ZDHHC14: variants seen among roughly 807,000 people sequenced by gnomAD.
The protein encoded by ZDHHC14 is palmitoyltransferase ZDHHC14.
A neutral mutation model predicts 47.7 loss-of-function variants in ZDHHC14; 16 were observed. The ratio of observed to expected loss-of-function variants is 0.34; its 90% CI spans 0.23 to 0.51. ZDHHC14 has a LOEUF of 0.51. Ranked by LOEUF, ZDHHC14 falls within the 20% of genes least tolerant of loss-of-function variation. The pLI is 0.97. For missense variants in ZDHHC14, 515 were observed against 662.5 expected (o/e 0.78, Z 2.44); for synonymous variants, 293 against 278.9 (o/e 1.05, Z -0.50).
intron 1 of ZDHHC14, among the ~76,000 whole-genome samples, chr6:157,532,300 A>T (rs1781394083): frequency 6.6e-6 from 1 of 152,222 alleles, no homozygotes; most frequent in Non-Finnish European, 1.5e-5. Context: ...TTTTGTTGAA[A>T]ATGTCTCTGT....
chr6:157,635,510 T>C (rs1034341065), intron 5 of ZDHHC14, among the ~76,000 whole-genome samples: 8 of 152,242 alleles, frequency 5.3e-5, no homozygotes, highest in African/African-American at 1.9e-4. Context: ...TCAACCACTA[T>C]GTACTTGACA....
At chr6:157,521,417 A>C (rs1780909849) in intron 1 of ZDHHC14, among the ~76,000 whole-genome samples, 1 of 152,220 alleles carries the variant, frequency 6.6e-6, no homozygotes, top group East Asian at 1.9e-4. Flanking sequence ...TTACAACAAA[A>C]TACCAGGCCG....
rs899211476 is a variant in ZDHHC14 at position 157,621,044 on chromosome 6, G to C, written c.566-7305G>C. Among the ~76,000 whole-genome samples, 46 of 152,322 alleles carry C rather than the reference G, an allele frequency of 3.0e-4. 1 individual carries two copies. Among genetic ancestry groups the C allele is most frequent in the African/African-American group, 1.1e-3 (44 of 41,568 alleles). ...TTAAAACAGGGGAAGGTGGAGTAAG[G>C]CAGGTGAAGTTGCTTTTCAGAACTC... On this transcript the variant is annotated intron_variant, in intron 3 of 8. Coordinates refer to ENST00000359775, the MANE Select transcript of ZDHHC14 (RefSeq NM_024630.3).
chr6:157,653,715 C>A, intron 8 of ZDHHC14, 88 bp downstream of exon 8: 2 of 1,375,940 alleles, frequency 1.5e-6, no homozygotes, highest in Non-Finnish European at 2.0e-6. Context: ...TCCTAGCAAA[C>A]CTCCCCAGGA....
At chr6:157,475,462 A>C (rs1292193375) in intron 1 of ZDHHC14, among the ~76,000 whole-genome samples, 3 of 152,126 alleles carry the variant, frequency 2.0e-5, no homozygotes, top group Non-Finnish European at 4.4e-5. Context: ...CAATATGGAC[A>C]TTTTAACAAT....
In ZDHHC14 at chr6:157,484,302, T is replaced by TAC. The variant is rs1442668502; in HGVS notation, c.246-58282_246-58281insCA. On this transcript the variant is annotated intron_variant, in intron 1 of 8. Coordinates refer to ENST00000359775, the MANE Select transcript of ZDHHC14 (RefSeq NM_024630.3). ...ACGTATATATATATGTGTATATATA[T>TAC]ATACATATATATACACATATATATA... Among the ~76,000 whole-genome samples, 7 of 117,026 alleles carry TAC rather than the reference T, an allele frequency of 6.0e-5. No homozygotes were observed. In the South Asian group the frequency reaches 7.6e-4, roughly 13 times the overall value. 76.8% of individuals were successfully genotyped at this position (117,026 alleles called of 152,430 possible).
intron 1 of ZDHHC14, among the ~76,000 whole-genome samples, chr6:157,511,552 T>C (rs1302034454): frequency 6.8e-6 from 1 of 147,022 alleles, no homozygotes; most frequent in East Asian, 2.0e-4. Context: ...GGGTACTTTT[T>C]TTTTTTTTTT....
At chr6:157,551,396 G>A (rs1782226766) in intron 2 of ZDHHC14, among the ~76,000 whole-genome samples, 1 of 152,228 alleles carries the variant, frequency 6.6e-6, no homozygotes, top group South Asian at 2.1e-4. Flanking sequence ...ATCAGTGACA[G>A]GCCTGGGACC....
intron 2 of ZDHHC14, among the ~76,000 whole-genome samples, chr6:157,552,319 C>T (rs535227972): frequency 6.6e-6 from 1 of 152,182 alleles, no homozygotes; most frequent in East Asian, 1.9e-4. Context: ...AGATGAAACC[C>T]TTCATGCAGA....
chr6:157,390,400 G>T (rs906236808), intron 1 of ZDHHC14, among the ~76,000 whole-genome samples: 1 of 152,036 alleles, frequency 6.6e-6, no homozygotes, highest in Admixed American at 6.5e-5. Context: ...ATCCCGCTTG[G>T]GGTTTGCCGA....
intron 5 of ZDHHC14, among the ~76,000 whole-genome samples, chr6:157,636,803 A>G (rs1048686607): frequency 1.3e-5 from 2 of 152,166 alleles, no homozygotes; most frequent in African/African-American, 2.4e-5. Context: ...AATTTCAAGA[A>G]CATCAGACAC....
intron 2 of ZDHHC14, among the ~76,000 whole-genome samples, chr6:157,567,222 A>T (rs1782936556): frequency 6.6e-6 from 1 of 152,102 alleles, no homozygotes; most frequent in Non-Finnish European, 1.5e-5. Context: ...CTGTCTTGTC[A>T]AGCTGGGGGC....
rs984143915 is a variant in ZDHHC14 at position 157,586,855 on chromosome 6, G to A, written c.407-6133G>A. 3.9e-5 allele frequency among the ~76,000 whole-genome samples: 6 copies of A among 152,144 alleles called. No homozygotes were observed. Among genetic ancestry groups the A allele is most frequent in the Admixed American group, 6.5e-5 (1 of 15,274 alleles). On this transcript the variant is annotated intron_variant, in intron 2 of 8. Coordinates refer to ENST00000359775, the MANE Select transcript of ZDHHC14 (RefSeq NM_024630.3). The surrounding 1 kb of genome is among the most constrained non-coding windows in gnomAD (Gnocchi z 4.6). ...TTTTGGGTTTCGGTTTAATTCTTAA[G>A]CTTCAGTTTACTATGTCTTTTGAAT...
intron 2 of ZDHHC14, among the ~76,000 whole-genome samples, chr6:157,565,969 T>C (rs1346897381): frequency 1.3e-5 from 2 of 152,172 alleles, no homozygotes; most frequent in Non-Finnish European, 1.5e-5. Context: ...CTCGGTTTCT[T>C]GATTCCCAGG....
chr6:157,538,325 C>G (rs974002431), intron 1 of ZDHHC14, among the ~76,000 whole-genome samples: 4 of 152,236 alleles, frequency 2.6e-5, no homozygotes, highest in Non-Finnish European at 4.4e-5. Context: ...GCTGAGGGAG[C>G]CTCGCAGAAG....
At chr6:157,437,709 C>T (rs1489019475) in intron 1 of ZDHHC14, among the ~76,000 whole-genome samples, 1 of 152,178 alleles carries the variant, frequency 6.6e-6, no homozygotes, top group Non-Finnish European at 1.5e-5. Flanking sequence ...ACTAACTCTT[C>T]TCTGCAACAG....
chr6:157,581,896 A>AC (rs1783533912), intron 2 of ZDHHC14, among the ~76,000 whole-genome samples: 1 of 151,270 alleles, frequency 6.6e-6, no homozygotes, highest in Non-Finnish European at 1.5e-5. Flanking sequence ...CCATTCTGTG[A>AC]CATTTTTTTT....
intron 1 of ZDHHC14, among the ~76,000 whole-genome samples, chr6:157,402,455 C>G (rs1777664398): frequency 6.6e-6 from 1 of 152,074 alleles, no homozygotes; most frequent in Non-Finnish European, 1.5e-5. Flanking sequence ...GAAATGCGCA[C>G]CTGCTGAGGT....
chr6:157,608,207 T>C (rs1270593008), intron 3 of ZDHHC14, among the ~76,000 whole-genome samples: 1 of 152,188 alleles, frequency 6.6e-6, no homozygotes, highest in Admixed American at 6.5e-5. Flanking sequence ...TCCTCAGAGC[T>C]GTACCCAGAG....
Sources: allele counts gnomAD v4.1 joint callset (sites outside exome capture counted in the v4.1 genomes callset), GRCh38; gene constraint gnomAD v4.1.1; non-coding constraint Gnocchi (gnomAD v3.1); transcripts MANE v1.5; gene names NCBI Gene and HGNC (gene_info 2026-07-23, HGNC 2026-07-21).